The following SDK1 variants were observed in gnomAD, a reference collection of about 807,000 sequenced individuals.
SDK1 encodes the protein protein sidekick-1.
A neutral mutation model predicts 245.5 loss-of-function variants in SDK1; 157 were observed. The observed-to-expected ratio is 0.64, with a 90% CI of 0.56 to 0.73. SDK1 has a LOEUF of 0.73. Ranked by LOEUF, SDK1 falls within the 30% of genes least tolerant of loss-of-function variation. The pLI is 0.00. For synonymous variants in SDK1, 1,647 were observed against 1,278.5 expected (o/e 1.29, Z -6.15); for missense variants, 3,583 against 3,002.3 (o/e 1.19, Z -4.52).
intron 1 of SDK1, among the ~76,000 whole-genome samples, chr7:3,354,217 C>G (rs2128559007): frequency 6.6e-6 from 1 of 152,004 alleles, no homozygotes; most frequent in African/African-American, 2.4e-5. Context: ...CTAGGATGGT[C>G]TTGATCTCCT....
chr7:3,943,021 C>T (rs11977815), intron 5 of SDK1, among the ~76,000 whole-genome samples: 55,675 of 151,954 alleles, frequency 0.37, 10,905 homozygotes, highest in African/African-American at 0.5. Context: ...ATGGCCTGTC[C>T]CTGTTCGAGC....
chr7:4,021,421 G>A (rs1786885755), intron 17 of SDK1, among the ~76,000 whole-genome samples: 1 of 152,154 alleles, frequency 6.6e-6, no homozygotes, highest in African/African-American at 2.4e-5. Flanking sequence ...GTGTCTGGCT[G>A]CTAGAAACAG....
At chr7:4,017,042 G>GCTGACCT in intron 16 of SDK1, 129 bp from the exon 17 acceptor site, 1 of 823,192 alleles carries the variant, frequency 1.2e-6, no homozygotes, top group Non-Finnish European at 1.8e-6. Flanking sequence ...ATTGTTTAGG[G>GCTGACCT]CTGACCTCTC....
At chr7:3,437,185 G>A (rs140041721) in intron 1 of SDK1, among the ~76,000 whole-genome samples, 33 of 152,278 alleles carry the variant, frequency 2.2e-4, no homozygotes, top group Middle Eastern at 3.4e-3. Flanking sequence ...AGGGGTGAAA[G>A]GAGATATTCC....
chr7:4,131,231 G>C (rs1395336888), intron 27 of SDK1, among the ~76,000 whole-genome samples: 1 of 152,220 alleles, frequency 6.6e-6, no homozygotes, highest in African/African-American at 2.4e-5. Context: ...AGCAGGCGCT[G>C]GTGAGTCCTG....
chr7:4,197,289 C>A (rs374163135), intron 35 of SDK1, among the ~76,000 whole-genome samples: 1 of 149,194 alleles, frequency 6.7e-6, no homozygotes, highest in South Asian at 2.1e-4. Context: ...GTAGCAAGAC[C>A]TCATCTCTGA....
chr7:3,478,933 G>C (rs183878803), intron 1 of SDK1, among the ~76,000 whole-genome samples: 1 of 152,082 alleles, frequency 6.6e-6, no homozygotes, highest in Admixed American at 6.5e-5. Context: ...TCTTTAATCA[G>C]TGGATTATTT....
intron 1 of SDK1, among the ~76,000 whole-genome samples, chr7:3,506,361 C>T (rs190244936): frequency 6.6e-6 from 1 of 152,242 alleles, no homozygotes; most frequent in African/African-American, 2.4e-5. Flanking sequence ...CTTACCTATT[C>T]CCTGTGTAAG....
intron 1 of SDK1, among the ~76,000 whole-genome samples, chr7:3,589,157 C>T (rs1022577196): frequency 8.5e-5 from 13 of 152,316 alleles, no homozygotes; most frequent in Admixed American, 2.0e-4. Context: ...GGCCTTTTGA[C>T]GTCAGTACTG....
chr7:3,707,573 C>A (rs974691123), intron 4 of SDK1, among the ~76,000 whole-genome samples: 1 of 152,168 alleles, frequency 6.6e-6, no homozygotes, highest in Non-Finnish European at 1.5e-5. Context: ...TCCATTTGTT[C>A]TACAGGAGTT....
chr7:4,113,040 T>C (rs1465864933), intron 23 of SDK1, among the ~76,000 whole-genome samples: 1 of 152,028 alleles, frequency 6.6e-6, no homozygotes, highest in Non-Finnish European at 1.5e-5. Flanking sequence ...TGGGATTTGA[T>C]CCCCCGCCAC....
At chr7:3,702,036 T>A (rs532333784) in intron 4 of SDK1, among the ~76,000 whole-genome samples, 1 of 152,006 alleles carries the variant, frequency 6.6e-6, no homozygotes, top group South Asian at 2.1e-4. Context: ...AATGTAAAAC[T>A]GTTAAACTTT....
At chr7:4,158,600 C>G (rs535928417) in intron 31 of SDK1, 49 bp downstream of exon 31, 1 of 1,373,044 alleles carries the variant, frequency 7.3e-7, no homozygotes, top group South Asian at 1.2e-5. Context: ...GCCCCTGGAG[C>G]CCGAGATACT....
chr7:4,097,237 C>A (rs1374757673), intron 22 of SDK1, among the ~76,000 whole-genome samples: 11 of 152,220 alleles, frequency 7.2e-5, no homozygotes, highest in Non-Finnish European at 2.9e-5. Flanking sequence ...GTGAGGGGCT[C>A]ACCTGGGTCA....
intron 1 of SDK1, among the ~76,000 whole-genome samples, chr7:3,448,423 G>C (rs1360498854): frequency 6.6e-6 from 1 of 151,798 alleles, no homozygotes; most frequent in Non-Finnish European, 1.5e-5. Context: ...ATTTATTTTG[G>C]AAGTTTTCCC....
At position 3,460,650 on chromosome 7, in the gene SDK1, A is replaced by G. The variant is rs114843072; in HGVS notation, c.299-158430A>G. On this transcript the variant is annotated intron_variant, in intron 1 of 44. Coordinates refer to ENST00000404826, the MANE Select transcript of SDK1 (RefSeq NM_152744.4). ...GGCCTACCCTTATTTTATAGGTTCT[A>G]TAAAATAATCGGAAAGGAATTAGAA... Among the ~76,000 whole-genome samples the G allele has an allele frequency of 4.1e-3, 627 of 152,314 alleles. 7 individuals are homozygous for G. Among genetic ancestry groups the G allele is most frequent in the African/African-American group, 0.014 (579 of 41,576 alleles).
At position 3,880,128 on chromosome 7, in the gene SDK1, G is replaced by A. The variant is rs540679802; in HGVS notation, c.847+58545G>A. On this transcript the variant is annotated intron_variant, in intron 5 of 44. Coordinates refer to ENST00000404826, the MANE Select transcript of SDK1 (RefSeq NM_152744.4). ...GATAGTAAGGATGTCATTATGAAAG[G>A]GTTTTTAATGAACATGAACATAATG... Among the ~76,000 whole-genome samples, 3 of 152,304 alleles carry A rather than the reference G, an allele frequency of 2.0e-5. No homozygotes were observed. The East Asian group carries it at 5.8e-4, about 29-fold the overall frequency.
At chr7:3,689,259 G>T (rs1409951396) in intron 4 of SDK1, among the ~76,000 whole-genome samples, 1 of 152,180 alleles carries the variant, frequency 6.6e-6, no homozygotes, top group East Asian at 1.9e-4. Context: ...ATGGGGACCT[G>T]ATGATTCACC....
intron 17 of SDK1, among the ~76,000 whole-genome samples, chr7:4,047,611 T>A (rs1789113811): frequency 6.6e-6 from 1 of 152,238 alleles, no homozygotes; most frequent in African/African-American, 2.4e-5. Context: ...AAAGCTTCTG[T>A]CCTCTCTTGT....
Sources: allele counts gnomAD v4.1 joint callset (sites outside exome capture counted in the v4.1 genomes callset), GRCh38; gene constraint gnomAD v4.1.1; transcripts MANE v1.5; gene names NCBI Gene and HGNC (gene_info 2026-07-23, HGNC 2026-07-21).